The following SORCS1 variants were observed in gnomAD, a reference collection of about 807,000 sequenced individuals.
SORCS1 encodes sortilin related VPS10 domain containing receptor 1, also known as VPS10 domain-containing receptor SorCS1.
In SORCS1, 60 loss-of-function variants were observed where a neutral mutation model predicts 146.1. That is an observed-to-expected ratio of 0.41 (90% CI 0.33 to 0.51). The LOEUF (loss-of-function observed/expected upper bound fraction) is 0.51. Ranked by LOEUF, SORCS1 falls within the 20% of genes least tolerant of loss-of-function variation. SORCS1 has a pLI of 0.21. For missense variants in SORCS1, 1,352 were observed against 1,487.6 expected, an observed-to-expected ratio of 0.91 and a Z score of 1.50; for synonymous variants, 637 against 584.0, an observed-to-expected ratio of 1.09 and a Z score of -1.31.
At chr10:106,822,317 G>C (rs752062420) in intron 3 of SORCS1, among the ~76,000 whole-genome samples, 14 of 152,154 alleles carry the variant, frequency 9.2e-5, no homozygotes, top group Non-Finnish European at 1.8e-4. Context: ...AGTGTACAGA[G>C]AGGAGTGTCT....
intron 1 of SORCS1, among the ~76,000 whole-genome samples, chr10:107,115,785 GA>G (rs1966002620): frequency 1.3e-5 from 2 of 151,926 alleles, no homozygotes; most frequent in African/African-American, 2.4e-5. Flanking sequence ...GCACAACAAA[GA>G]AAATAACCTA....
intron 1 of SORCS1, among the ~76,000 whole-genome samples, chr10:107,062,339 T>C (rs1961303719): frequency 6.6e-6 from 1 of 152,134 alleles, no homozygotes; most frequent in Non-Finnish European, 1.5e-5. Context: ...TATTGTTTTC[T>C]AGTATTTCAA....
chr10:106,648,291 A>T (rs1291175575), intron 18 of SORCS1, among the ~76,000 whole-genome samples: 3 of 152,242 alleles, frequency 2.0e-5, no homozygotes, highest in African/African-American at 4.8e-5. Context: ...TGATGATAAG[A>T]TTCTCTTACT....
At chr10:106,614,379 T>C (rs191368232) in intron 21 of SORCS1, among the ~76,000 whole-genome samples, 4 of 152,338 alleles carry the variant, frequency 2.6e-5, no homozygotes, top group East Asian at 1.9e-4. Context: ...TAAGGAGTTA[T>C]CAAACACATG....
chr10:107,007,368 G>C lies in SORCS1; in HGVS notation c.559-50788C>G, dbSNP rs1032475153. ...CCACTTCTGTCTTTTGGAACACTCT[G>C]CCTTAAAACCGAGCTGCCATGCTGT... On this transcript the variant is annotated intron_variant, in intron 1 of 25. Transcript: ENST00000263054. 2.0e-5 allele frequency among the ~76,000 whole-genome samples: 3 copies of C among 152,150 alleles called. No individual in the cohort carries two copies. The East Asian group carries it at 5.8e-4, about 29-fold the overall frequency.
intron 21 of SORCS1, among the ~76,000 whole-genome samples, chr10:106,614,406 T>A (rs1322008): frequency 0.97 from 148,045 of 152,266 alleles, 72,090 homozygotes; most frequent in East Asian, 1. Flanking sequence ...AGACTCTGAC[T>A]TTATAAGGTA....
intron 2 of SORCS1, among the ~76,000 whole-genome samples, chr10:106,867,021 A>G (rs1950243669): frequency 2.6e-5 from 4 of 152,158 alleles, no homozygotes; most frequent in African/African-American, 9.7e-5. Context: ...TGGTTTTTGT[A>G]TTGTCCATGA....
chr10:106,818,506 C>T (rs1000312694), intron 3 of SORCS1, among the ~76,000 whole-genome samples: 1 of 151,978 alleles, frequency 6.6e-6, no homozygotes, highest in Non-Finnish European at 1.5e-5. Flanking sequence ...GCTTGGACTA[C>T]AGGCACGCAC....
the SORCS1 span, among the ~76,000 whole-genome samples, chr10:107,171,856 A>C: frequency 1.3e-5 from 2 of 152,194 alleles, no homozygotes; most frequent in Non-Finnish European, 2.9e-5. Context: ...TGGAGATACT[A>C]TAGAGTGTGA....
chr10:106,788,065 G>C (rs1946140663), intron 3 of SORCS1, among the ~76,000 whole-genome samples: 1 of 152,050 alleles, frequency 6.6e-6, no homozygotes, highest in Non-Finnish European at 1.5e-5. Flanking sequence ...TATTCCTATA[G>C]CACCATCATA....
At chr10:107,099,163 T>C (rs1395019991) in intron 1 of SORCS1, among the ~76,000 whole-genome samples, 2 of 152,208 alleles carry the variant, frequency 1.3e-5, no homozygotes, top group African/African-American at 4.8e-5. Flanking sequence ...AGTAGTAAAG[T>C]TGGGTTCAGT....
intron 1 of SORCS1, among the ~76,000 whole-genome samples, chr10:107,098,146 T>G (rs1468343921): frequency 6.6e-6 from 1 of 152,238 alleles, no homozygotes; most frequent in Non-Finnish European, 1.5e-5. Context: ...TTGTTGTTGT[T>G]GTCTATGTCA....
intron 18 of SORCS1, among the ~76,000 whole-genome samples, chr10:106,638,517 A>G (rs754872027): frequency 1.2e-4 from 18 of 152,226 alleles, no homozygotes; most frequent in Non-Finnish European, 2.1e-4. Context: ...ATATCATTTT[A>G]ATCAATGAGA....
At chr10:107,140,791 C>T (rs1012042068) in intron 1 of SORCS1, among the ~76,000 whole-genome samples, 10 of 152,174 alleles carry the variant, frequency 6.6e-5, no homozygotes, top group African/African-American at 2.4e-4. Flanking sequence ...AAATGCTTTA[C>T]ATGCATGATC....
intron 1 of SORCS1, among the ~76,000 whole-genome samples, chr10:107,090,106 G>A (rs990770434): frequency 1.3e-5 from 2 of 152,164 alleles, no homozygotes; most frequent in Non-Finnish European, 2.9e-5. Flanking sequence ...ACGCAGAGGG[G>A]TTCAGGTCTC....
intron 21 of SORCS1, among the ~76,000 whole-genome samples, chr10:106,612,302 TGA>T (rs1170703853): frequency 6.6e-6 from 1 of 151,510 alleles, no homozygotes; most frequent in African/African-American, 2.4e-5. Context: ...GCTACAAAGC[TGA>T]GAGAGGAGAC....
intron 3 of SORCS1, among the ~76,000 whole-genome samples, chr10:106,809,154 TTTTG>T (rs1449485586): frequency 1.3e-5 from 2 of 152,002 alleles, no homozygotes; most frequent in Non-Finnish European, 2.9e-5. Context: ...TTTGTTTTGT[TTTTG>T]TTTTTGTGGT....
chr10:106,829,368 C>T (rs975740401), intron 3 of SORCS1, among the ~76,000 whole-genome samples: 1 of 152,182 alleles, frequency 6.6e-6, no homozygotes, highest in African/African-American at 2.4e-5. Flanking sequence ...TAATGATCTA[C>T]CTATCCCTCA....
At chr10:106,978,622 AC>A (rs1239809811) in intron 1 of SORCS1, among the ~76,000 whole-genome samples, 14 of 151,620 alleles carry the variant, frequency 9.2e-5, no homozygotes, top group African/African-American at 3.4e-4. Flanking sequence ...ACATGGTGAA[AC>A]CCCGTCTCTG....
Sources: allele counts gnomAD v4.1 joint callset (sites outside exome capture counted in the v4.1 genomes callset), GRCh38; gene constraint gnomAD v4.1.1; transcripts MANE v1.5; gene names NCBI Gene and HGNC (gene_info 2026-07-23, HGNC 2026-07-21).